TRAPPC9: variants seen among roughly 807,000 people sequenced by gnomAD.
TRAPPC9 encodes the protein IKK2 binding protein.
TRAPPC9 carries 83 observed loss-of-function variants against 124.0 expected under a neutral mutation model. The ratio of observed to expected loss-of-function variants is 0.67; its 90% CI spans 0.56 to 0.80. The LOEUF (loss-of-function observed/expected upper bound fraction) is 0.80. TRAPPC9 is among the 30% of genes least tolerant of loss of function. The pLI is 0.00. For synonymous variants in TRAPPC9, 638 were observed against 617.5 expected (o/e 1.03, Z -0.49); for missense variants, 1,302 against 1,508.3 (o/e 0.86, Z 2.27).
chr8:140,253,730 G>A (rs1045677218), intron 15 of TRAPPC9, among the ~76,000 whole-genome samples: 3 of 152,162 alleles, frequency 2.0e-5, no homozygotes, highest in African/African-American at 7.2e-5. Context: ...CCTTGGGAAG[G>A]GCCTCCGGGG....
intron 11 of TRAPPC9, among the ~76,000 whole-genome samples, chr8:140,294,830 C>T (rs1192890767): frequency 6.6e-6 from 1 of 152,026 alleles, no homozygotes; most frequent in African/African-American, 2.4e-5. Flanking sequence ...AGGCTAGTCT[C>T]GAACTCCTGA....
intron 21 of TRAPPC9, among the ~76,000 whole-genome samples, chr8:139,772,532 T>C (rs1337414784): frequency 6.6e-6 from 1 of 152,184 alleles, no homozygotes; most frequent in Admixed American, 6.5e-5. Flanking sequence ...GGCGTCTGCC[T>C]TCGGGGTGCA....
intron 21 of TRAPPC9, among the ~76,000 whole-genome samples, chr8:139,835,654 C>T (rs1005244713): frequency 6.6e-5 from 10 of 152,144 alleles, no homozygotes; most frequent in Non-Finnish European, 1.2e-4. Flanking sequence ...GACACTGCTG[C>T]CAAATCTGCT....
At chr8:140,404,758 G>A (rs1336540224) in intron 6 of TRAPPC9, among the ~76,000 whole-genome samples, 11 of 151,882 alleles carry the variant, frequency 7.2e-5, no homozygotes, top group South Asian at 2.1e-4. Context: ...ATGTGTGTAC[G>A]TGCATGTGTG....
chr8:139,875,260 TG>T (rs1344022154), intron 21 of TRAPPC9, among the ~76,000 whole-genome samples: 1 of 152,060 alleles, frequency 6.6e-6, no homozygotes, highest in African/African-American at 2.4e-5. Context: ...GAGGTGGCCC[TG>T]GGGCTGCCAC....
intron 9 of TRAPPC9, among the ~76,000 whole-genome samples, chr8:140,311,926 T>C (rs2066309575): frequency 6.6e-6 from 1 of 152,206 alleles, no homozygotes; most frequent in South Asian, 2.1e-4. Flanking sequence ...ACACAGGTGA[T>C]AATCATGTCC....
intron 11 of TRAPPC9, among the ~76,000 whole-genome samples, chr8:140,296,798 C>A (rs934680592): frequency 1.3e-5 from 2 of 152,258 alleles, no homozygotes; most frequent in African/African-American, 4.8e-5. Context: ...TCCTAAATCA[C>A]CTCTGGAAGT....
intron 19 of TRAPPC9, among the ~76,000 whole-genome samples, chr8:139,960,013 A>T (rs2131556055): frequency 6.6e-6 from 1 of 152,362 alleles, no homozygotes; most frequent in South Asian, 2.1e-4. Flanking sequence ...CCTGTGTCAG[A>T]TGCTTGAGCA....
Position 140,311,249 on chromosome 8 carries a change from T to A in TRAPPC9, c.1621A>T (p.Arg541Trp). 1 of 1,610,790 alleles carries A rather than the reference T, an allele frequency of 6.2e-7. No homozygotes were observed. Among genetic ancestry groups the A allele is most frequent in the Non-Finnish European group, 8.5e-7 (1 of 1,179,958 alleles). Residue 541 changes from arginine (R) to tryptophan (W), a missense_variant and splice_region_variant, in exon 10 of 23, where the codon AGG becomes TGG. Transcript: ENST00000438773. ...PVPFTKLPIVRHVKLLNLPAS... is the reference protein window; with the variant it reads ...PVPFTKLPIVWHVKLLNLPAS... ...CCGGCTCTGCAGTGCCCATCTCACCTGACGATGGGAAGCTTGGTGAAGGGC... is the reference window on the plus strand; with the variant it reads ...CCGGCTCTGCAGTGCCCATCTCACCAGACGATGGGAAGCTTGGTGAAGGGC...
At chr8:140,387,509 A>G (rs2068785993) in intron 7 of TRAPPC9, among the ~76,000 whole-genome samples, 1 of 152,232 alleles carries the variant, frequency 6.6e-6, no homozygotes, top group Non-Finnish European at 1.5e-5. Context: ...ATCTACAATG[A>G]ACTCAAACAA....
intron 21 of TRAPPC9, among the ~76,000 whole-genome samples, chr8:139,787,748 G>A (rs1352831145): frequency 6.6e-6 from 1 of 152,176 alleles, no homozygotes; most frequent in Non-Finnish European, 1.5e-5. Context: ...ACCTGCCAAT[G>A]AGCACCTGGG....
chr8:139,881,278 G>A (rs1587082199), intron 21 of TRAPPC9: 1 of 152,272 alleles, frequency 6.6e-6, no homozygotes, highest in Middle Eastern at 3.4e-3. Context: ...ATTAAGACAA[G>A]TTGAACCTCA....
chr8:140,334,685 A>G (rs1225222921), intron 9 of TRAPPC9, among the ~76,000 whole-genome samples: 1 of 146,130 alleles, frequency 6.8e-6, no homozygotes, highest in Non-Finnish European at 1.5e-5. Context: ...AAATAAATAA[A>G]TAAGTTCCAC....
At chr8:139,989,898 C>T (rs182661295) in intron 18 of TRAPPC9, among the ~76,000 whole-genome samples, 36 of 152,282 alleles carry the variant, frequency 2.4e-4, no homozygotes, top group African/African-American at 5.5e-4. Context: ...ACAGTCAGCA[C>T]GTAACAGGTC....
intron 10 of TRAPPC9, among the ~76,000 whole-genome samples, chr8:140,305,876 A>G (rs2066115461): frequency 6.6e-6 from 1 of 152,244 alleles, no homozygotes; most frequent in South Asian, 2.1e-4. Context: ...AAGAAGAGGA[A>G]GTTAAATCAT....
intron 9 of TRAPPC9, among the ~76,000 whole-genome samples, chr8:140,357,135 C>T (rs866875008): frequency 1.3e-5 from 2 of 152,044 alleles, no homozygotes; most frequent in African/African-American, 4.8e-5. Context: ...AACTGATGAC[C>T]GACAAGTGCA....
chr8:139,973,789 G>T (rs1159439376), intron 19 of TRAPPC9, among the ~76,000 whole-genome samples: 1 of 152,072 alleles, frequency 6.6e-6, no homozygotes, highest in Non-Finnish European at 1.5e-5. Flanking sequence ...GCCGAGGTGA[G>T]TGCCAGGCCC....
intron 16 of TRAPPC9, among the ~76,000 whole-genome samples, chr8:140,238,091 GTCTCA>G (rs2131411680): frequency 6.6e-6 from 1 of 152,242 alleles, no homozygotes; most frequent in African/African-American, 2.4e-5. Flanking sequence ...TAGCTGACTT[GTCTCA>G]CGGTGAGTCA....
intron 17 of TRAPPC9, among the ~76,000 whole-genome samples, chr8:140,129,005 T>TATATATATATATTAA (rs1563783126): frequency 4.3e-4 from 58 of 134,720 alleles, no homozygotes; most frequent in Non-Finnish European, 7.3e-4. Context: ...ATATATATAT[T>TATATATATATATTAA]AAAAAAAAAA....
Sources: gnomAD v4.1 joint callset for allele counts (sites outside exome capture counted in the v4.1 genomes callset) on GRCh38, gnomAD v4.1.1 for gene constraint, MANE v1.5 for transcripts, NCBI Gene and HGNC (gene_info 2026-07-23, HGNC 2026-07-21) for gene names.